Variants in DPT observed in about 807,000 individuals in gnomAD.
DPT encodes tyrosine-rich acidic matrix protein.
Under a neutral mutation model 31.2 loss-of-function variants are expected in DPT, and 21 were observed. The observed-to-expected ratio is 0.67, with a 90% CI of 0.48 to 0.97. The LOEUF is 0.97. Among genes scored for constraint, DPT ranks in the 50% least tolerant of loss-of-function variants. DPT has a pLI of 0.00. For synonymous variants in DPT, 91 were observed against 86.9 expected, an observed-to-expected ratio of 1.05 and a Z score of -0.26; for missense variants, 262 against 258.8, an observed-to-expected ratio of 1.01 and a Z score of -0.08.
At chr1:168,699,795 TAA>T (rs145476476) in intron 3 of DPT, among the ~76,000 whole-genome samples, 4,488 of 152,246 alleles carry the variant, frequency 0.029, 232 homozygotes, top group African/African-American at 0.1. Context: ...CATTTCTGTG[TAA>T]AGTGATTATC....
intron 1 of DPT, among the ~76,000 whole-genome samples, chr1:168,717,016 C>T (rs1217809439): frequency 3.3e-5 from 5 of 152,166 alleles, no homozygotes; most frequent in Admixed American, 3.3e-4. Flanking sequence ...AGTAAACATA[C>T]CTGTGCATGT....
At chr1:168,723,096 G>T (rs1650161358) in intron 1 of DPT, among the ~76,000 whole-genome samples, 1 of 152,196 alleles carries the variant, frequency 6.6e-6, no homozygotes, top group South Asian at 2.1e-4. Context: ...AAGAATCCTA[G>T]ATCTGTCATA....
intron 1 of DPT, among the ~76,000 whole-genome samples, chr1:168,717,743 A>T (rs1270602899): frequency 6.6e-6 from 1 of 152,166 alleles, no homozygotes; most frequent in Non-Finnish European, 1.5e-5. Flanking sequence ...TATAAGGTGT[A>T]AGGAAGGGGT....
intron 2 of DPT, among the ~76,000 whole-genome samples, chr1:168,701,951 T>G (rs544173644): frequency 4.6e-5 from 7 of 152,340 alleles, no homozygotes; most frequent in African/African-American, 1.7e-4. Flanking sequence ...ATTTTGTTTC[T>G]TCTTCCTCTT....
At chr1:168,711,124 C>A (rs141537705) in intron 2 of DPT, among the ~76,000 whole-genome samples, 4 of 151,702 alleles carry the variant, frequency 2.6e-5, no homozygotes, top group Non-Finnish European at 5.9e-5. Context: ...CATTCTCCTG[C>A]CTCAGCCTCC....
intron 2 of DPT, among the ~76,000 whole-genome samples, chr1:168,704,360 C>A (rs963674397): frequency 6.6e-6 from 1 of 152,148 alleles, no homozygotes; most frequent in Non-Finnish European, 1.5e-5. Flanking sequence ...CTATGGGAAG[C>A]CTTATTTTCT....
chr1:168,715,921 C>T (rs1400851908), intron 1 of DPT, among the ~76,000 whole-genome samples: 2 of 152,202 alleles, frequency 1.3e-5, no homozygotes, highest in Non-Finnish European at 2.9e-5. Context: ...TGTGCATGGC[C>T]AGACAGCTGC....
chr1:168,711,177 AT>A (rs60428485), intron 2 of DPT, among the ~76,000 whole-genome samples: 19,475 of 145,800 alleles, frequency 0.13, 2,282 homozygotes, highest in African/African-American at 0.32. Context: ...AGCCTGGCTA[AT>A]TTTTTTTTTT....
At chr1:168,696,655 A>G in intron 3 of DPT, 40 bp from the exon 4 acceptor site, 1 of 1,569,850 alleles carries the variant, frequency 6.4e-7, no homozygotes, top group Middle Eastern at 1.7e-4. Flanking sequence ...TCAGTGAGAA[A>G]GGACATGGCA....
chr1:168,715,469 A>G lies in DPT; in HGVS notation c.306-1123T>C, dbSNP rs528631920. On this transcript the variant is annotated intron_variant, in intron 1 of 3. Coordinates refer to ENST00000367817, the MANE Select transcript of DPT (RefSeq NM_001937.5). ...AGCTCTACACAGTCAGGGCATTTCC[A>G]CTGTTCTTGCTACTTATCCAGGATC... Among the ~76,000 whole-genome samples the G allele has an allele frequency of 2.6e-5, 4 of 152,252 alleles. No individual in the cohort carries two copies. The South Asian group carries it at 8.3e-4, about 32-fold the overall frequency.
At chr1:168,722,432 T>G (rs1650139005) in intron 1 of DPT, among the ~76,000 whole-genome samples, 1 of 152,196 alleles carries the variant, frequency 6.6e-6, no homozygotes. Context: ...TGAGTCTCAG[T>G]TTACACAGAG....
chr1:168,704,564 A>AC (rs1649676404), intron 2 of DPT, among the ~76,000 whole-genome samples: 4 of 151,802 alleles, frequency 2.6e-5, no homozygotes, highest in East Asian at 1.9e-4. Context: ...AACAACAACA[A>AC]AAAAAGCAAA....
intron 1 of DPT, among the ~76,000 whole-genome samples, chr1:168,716,877 C>T (rs1165996366): frequency 6.6e-6 from 1 of 152,204 alleles, no homozygotes; most frequent in Admixed American, 6.5e-5. Flanking sequence ...CTGCAAAGGA[C>T]ATGATCTCAT....
At chr1:168,723,947 A>T (rs79217701) in intron 1 of DPT, among the ~76,000 whole-genome samples, 331 of 152,304 alleles carry the variant, frequency 2.2e-3, no homozygotes, top group African/African-American at 7.6e-3. Context: ...ATAACTCTAG[A>T]GTGTCTAGGA....
At chr1:168,717,807 C>A (rs556387205) in intron 1 of DPT, among the ~76,000 whole-genome samples, 15 of 152,208 alleles carry the variant, frequency 9.9e-5, no homozygotes, top group Middle Eastern at 3.4e-3. Context: ...TCTACCATTG[C>A]TCGCATCTCA....
At chr1:168,708,408 A>G (rs1572627382) in intron 2 of DPT, among the ~76,000 whole-genome samples, 1 of 152,274 alleles carries the variant, frequency 6.6e-6, no homozygotes, top group East Asian at 1.9e-4. Context: ...ACATCATGCA[A>G]TGGAAGGCAA....
intron 2 of DPT, among the ~76,000 whole-genome samples, chr1:168,702,343 G>A (rs1649618054): frequency 6.6e-6 from 1 of 152,224 alleles, no homozygotes; most frequent in African/African-American, 2.4e-5. Flanking sequence ...GAGGATCTCA[G>A]TGCACAGATG....
At position 168,714,359 on chromosome 1, in the gene DPT, C is replaced by CAA; in HGVS notation, c.306-15_306-14dup. ...GCACGTCTGGTACCTGAAGAGAAGA[C>CAA]AACCCCAGGAACCTAAGAACAGTGA... On this transcript the variant is annotated splice_polypyrimidine_tract_variant and intron_variant, in intron 1 of 3. Coordinates refer to ENST00000367817, the MANE Select transcript of DPT (RefSeq NM_001937.5). 1 of 1,614,096 alleles carries CAA rather than the reference C, an allele frequency of 6.2e-7. No individual in the cohort carries two copies. The highest frequency in any genetic ancestry group is 8.5e-7 in the Non-Finnish European group (1 of 1,180,014).
At chr1:168,700,372 A>T (rs1649567475) in intron 3 of DPT, among the ~76,000 whole-genome samples, 1 of 152,144 alleles carries the variant, frequency 6.6e-6, no homozygotes, top group Admixed American at 6.5e-5. Flanking sequence ...GAACTGTGAA[A>T]ATAAATTTCT....
Sources: allele counts gnomAD v4.1 joint callset (sites outside exome capture counted in the v4.1 genomes callset), GRCh38; gene constraint gnomAD v4.1.1; transcripts MANE v1.5; gene names NCBI Gene and HGNC (gene_info 2026-07-23, HGNC 2026-07-21).